The following TNPO2 variants were observed in gnomAD, a reference collection of about 807,000 sequenced individuals.
The protein encoded by TNPO2 is transportin-2.
In TNPO2, 16 loss-of-function variants were observed where a neutral mutation model predicts 111.1. That is an observed-to-expected ratio of 0.14 (90% confidence interval 0.10 to 0.22). The LOEUF (loss-of-function observed/expected upper bound fraction) is 0.22, where lower values mean the gene tolerates loss of function less well. TNPO2 is among the 10% of genes least tolerant of loss of function. The pLI is 1.00. For synonymous variants in TNPO2, 481 were observed against 475.8 expected (o/e 1.01, Z -0.14); for missense variants, 530 against 1,173.7 (o/e 0.45, Z 8.01).
chr19:12,705,015 A>AT lies in TNPO2; in HGVS notation c.2022+224dup, dbSNP rs200913997. On this transcript the variant is annotated intron_variant, in intron 18 of 25. Transcript: ENST00000425528. This position sits in a 1 kb window ranked among gnomAD's most constrained non-coding sequence, Gnocchi z 7.2. ...TTCAATACTGTTTGCTTTAAAAAAAATTTTTTTTTTTAATTTTAGAACTGG... is the reference window on the plus strand; with the variant it reads ...TTCAATACTGTTTGCTTTAAAAAAAATTTTTTTTTTTTAATTTTAGAACTGG... 1.4e-4 allele frequency among the ~76,000 whole-genome samples: 21 copies of AT among 149,074 alleles called. No individual in the cohort carries two copies. Among genetic ancestry groups the AT allele is most frequent in the East Asian group, 5.9e-4 (3 of 5,048 alleles).
intron 10 of TNPO2, among the ~76,000 whole-genome samples, chr19:12,714,165 G>A (rs2026232319): frequency 6.6e-6 from 1 of 152,166 alleles, no homozygotes; most frequent in Non-Finnish European, 1.5e-5. Flanking sequence ...GAAGGGCACA[G>A]AAGGCTACAG....
chr19:12,720,738 C>T, intron 3 of TNPO2, 141 bp downstream of exon 3: 1 of 1,037,056 alleles, frequency 9.6e-7, no homozygotes, highest in Non-Finnish European at 1.3e-6. Context: ...AATTGTAATC[C>T]TTCTCTGTCC....
rs376539934 is a variant in TNPO2, at chr19:12,702,793, G to T, written c.2305+30C>A. 4 of 1,600,514 alleles carry T rather than the reference G, an allele frequency of 2.5e-6. No homozygotes were observed. Among genetic ancestry groups the T allele is most frequent in the Non-Finnish European group, 3.4e-6 (4 of 1,168,040 alleles). The stretch of plus-strand genomic sequence containing the variant: ...CCCCACCTCCAGAAGGCAGGCAGGG[G>T]TGCAGGCAGCAGCCGGGCCAGGTGC... On this transcript the variant is annotated intron_variant, in intron 21 of 25. Transcript: ENST00000425528. This position sits in a 1 kb window ranked among gnomAD's most constrained non-coding sequence, Gnocchi z 5.5.
intron 12 of TNPO2, 35 bp from the exon 13 acceptor site, chr19:12,710,808 G>A (rs771518996): frequency 1.6e-5 from 25 of 1,571,620 alleles, no homozygotes; most frequent in African/African-American, 2.7e-5. Context: ...GGCTCAGGGC[G>A]GCCCCTCAGG....
Position 12,701,848 on chromosome 19 carries a change from G to A in TNPO2, c.2415C>T (p.Cys805=). 6.2e-7 allele frequency: 1 copy of A among 1,612,196 alleles called. No individual in the cohort carries two copies. The highest frequency in any genetic ancestry group is 8.5e-7 in the Non-Finnish European group (1 of 1,179,002). The change falls in exon 23 of 26, where the codon TGC becomes TGT. Residue 805 remains cysteine, a synonymous_variant. Coordinates refer to ENST00000425528, the MANE Select transcript of TNPO2 (RefSeq NM_001382241.1). This position sits in a 1 kb window ranked among gnomAD's most constrained non-coding sequence, Gnocchi z 5.0. ...PMLQQFIRPW[C]TSLRNIRDNE... The stretch of plus-strand genomic sequence containing the variant: ...TGTCCCTGATGTTCCTGAGGGACGT[G>A]CACCTGTGGGAAGGTGAGCAGCTGG...
chr19:12,718,942 G>C, intron 5 of TNPO2, 87 bp downstream of exon 5: 1 of 1,535,912 alleles, frequency 6.5e-7, no homozygotes, highest in Admixed American at 1.7e-5. Context: ...GAGGGTGCCA[G>C]AGCATTCCAT....
intron 1 of TNPO2, 194 bp downstream of exon 1, chr19:12,723,575 T>C (rs1038606954): frequency 1.3e-5 from 2 of 152,250 alleles, no homozygotes; most frequent in Admixed American, 1.3e-4. Flanking sequence ...CTTAAAAACG[T>C]GGCTTTACCC....
chr19:12,711,432 G>C lies in TNPO2; in HGVS notation c.981C>G (p.Pro327=). The C allele has an allele frequency of 6.2e-7, 1 of 1,613,988 alleles. No homozygotes were observed. Among genetic ancestry groups the C allele is most frequent in the Non-Finnish European group, 8.5e-7 (1 of 1,179,888 alleles). The change falls in exon 12 of 26, where the codon CCC becomes CCG. Residue 327 remains proline, a synonymous_variant. Transcript: ENST00000425528. ...GTGGCTTGATGTCCTGCTCACTGTC[G>C]GGGACAGCCTCATCCTCCTCCACAT... is the stretch of plus-strand genomic sequence containing the variant. The part of the protein sequence containing the change: ...KGDVEEDEAV[P]DSEQDIKPRF...
chr19:12,703,174 A>G, intron 20 of TNPO2: 1 of 587,478 alleles, frequency 1.7e-6, no homozygotes, highest in Admixed American at 3.0e-5. Flanking sequence ...AGTCAAAGGA[A>G]AAAAAAAGCC....
intron 18 of TNPO2, among the ~76,000 whole-genome samples, chr19:12,704,975 C>CTATTT (rs1170961599): frequency 2.0e-4 from 31 of 152,138 alleles, no homozygotes; most frequent in African/African-American, 7.2e-4. Flanking sequence ...AGCACCTGGC[C>CTATTT]TCACATTTTC....
rs960076405 is a variant in TNPO2, at chr19:12,719,568, C to A, written c.100-232G>T. On this transcript the variant is annotated intron_variant, in intron 3 of 25. Transcript: ENST00000425528. The surrounding 1 kb of genome is among the most constrained non-coding windows in gnomAD (Gnocchi z 5.0). Reference sequence around the variant, plus strand: ...CCCAGCACTTTTTGGGAGGTCAAGGCGGGTGGATCACAAGGTCAGGAGTTC... The same window carrying A: ...CCCAGCACTTTTTGGGAGGTCAAGGAGGGTGGATCACAAGGTCAGGAGTTC... 6.6e-6 allele frequency among the ~76,000 whole-genome samples: 1 copy of A among 152,080 alleles called. No individual in the cohort carries two copies. Among genetic ancestry groups the A allele is most frequent in the Non-Finnish European group, 1.5e-5 (1 of 68,006 alleles).
At chr19:12,718,153 C>T (rs2026468073) in intron 5 of TNPO2, among the ~76,000 whole-genome samples, 1 of 150,372 alleles carries the variant, frequency 6.7e-6, no homozygotes, top group South Asian at 2.1e-4. Flanking sequence ...TATAGATGTT[C>T]ACCACCACGC....
At chr19:12,709,922 T>C (rs1305150727) in intron 13 of TNPO2, among the ~76,000 whole-genome samples, 1 of 152,060 alleles carries the variant, frequency 6.6e-6, no homozygotes, top group East Asian at 1.9e-4. Flanking sequence ...ACTAGACAAA[T>C]TTTAGACAAA....
chr19:12,712,948 C>T (rs571507981), intron 10 of TNPO2, among the ~76,000 whole-genome samples: 4 of 152,264 alleles, frequency 2.6e-5, no homozygotes, highest in South Asian at 2.1e-4. Flanking sequence ...TGCACTGGTG[C>T]GATCACAGCT....
Position 12,719,569 on chromosome 19 carries a change from G to A in TNPO2, c.100-233C>T, listed in dbSNP as rs780604155. Reference sequence around the variant, plus strand: ...CCAGCACTTTTTGGGAGGTCAAGGCGGGTGGATCACAAGGTCAGGAGTTCG... The same window carrying A: ...CCAGCACTTTTTGGGAGGTCAAGGCAGGTGGATCACAAGGTCAGGAGTTCG... On this transcript the variant is annotated intron_variant, in intron 3 of 25. Coordinates refer to ENST00000425528, the MANE Select transcript of TNPO2 (RefSeq NM_001382241.1). The surrounding 1 kb of genome is among the most constrained non-coding windows in gnomAD (Gnocchi z 5.0). 2.0e-5 allele frequency among the ~76,000 whole-genome samples: 3 copies of A among 152,140 alleles called. No homozygotes were observed. Among genetic ancestry groups the A allele is most frequent in the South Asian group, 2.1e-4 (1 of 4,826 alleles).
intron 18 of TNPO2, among the ~76,000 whole-genome samples, chr19:12,704,193 C>A (rs2025490342): frequency 6.6e-6 from 1 of 152,148 alleles, no homozygotes; most frequent in Non-Finnish European, 1.5e-5. Flanking sequence ...ATGGCAAAAC[C>A]CTGTCTTTAC....
chr19:12,701,235 G>C lies in TNPO2; in HGVS notation c.*29C>G. On this transcript the variant is annotated 3_prime_UTR_variant, in exon 26 of 26. Coordinates refer to ENST00000425528, the MANE Select transcript of TNPO2 (RefSeq NM_001382241.1). This position sits in a 1 kb window ranked among gnomAD's most constrained non-coding sequence, Gnocchi z 5.0. ...CAGTAATCCCTCCGACGACGACGCAGACAGAAACCTGCAGGGGGAGGAGGA... is the reference window on the plus strand; with the variant it reads ...CAGTAATCCCTCCGACGACGACGCACACAGAAACCTGCAGGGGGAGGAGGA... 2.3e-6 allele frequency: 2 copies of C among 857,634 alleles called. No individual in the cohort carries two copies. Among genetic ancestry groups the C allele is most frequent in the Non-Finnish European group, 3.7e-6 (2 of 547,194 alleles). The allele number at this position is 857,634 out of a possible 1,614,324, so 53.1% of individuals were successfully genotyped here. A position where few individuals can be genotyped will look rare whatever the true frequency, so the allele number is the denominator to read the frequency against.
In TNPO2 at chr19:12,701,322, T is replaced by G; in HGVS notation, c.*20+4A>C. ...TGCTGACTTGCCAGCTGCAGTCTCC[T>G]TACCTGGCAGTCTCCATGATCACCT... On this transcript the variant is annotated splice_donor_region_variant and intron_variant, in intron 25 of 25. Coordinates refer to ENST00000425528, the MANE Select transcript of TNPO2 (RefSeq NM_001382241.1). The surrounding 1 kb of genome is among the most constrained non-coding windows in gnomAD (Gnocchi z 5.0). The G allele has an allele frequency of 1.3e-6, 2 of 1,592,392 alleles. No homozygotes were observed. Among genetic ancestry groups the G allele is most frequent in the Non-Finnish European group, 1.7e-6 (2 of 1,161,178 alleles).
At chr19:12,712,401 A>T (rs1471338919) in intron 10 of TNPO2, among the ~76,000 whole-genome samples, 1 of 152,176 alleles carries the variant, frequency 6.6e-6, no homozygotes. Context: ...GGAGGGCCTG[A>T]CATCAGTCAG....
Sources: gnomAD v4.1 joint callset for allele counts (sites outside exome capture counted in the v4.1 genomes callset) on GRCh38, gnomAD v4.1.1 for gene constraint, Gnocchi (gnomAD v3.1) non-coding constraint, MANE v1.5 for transcripts, NCBI Gene and HGNC (gene_info 2026-07-23, HGNC 2026-07-21) for gene names.